Variants in RSRC1 observed in about 807,000 individuals in gnomAD.
RSRC1 encodes serine/Arginine-related protein 53.
A neutral mutation model predicts 49.1 loss-of-function variants in RSRC1; 39 were observed. The ratio of observed to expected loss-of-function variants is 0.79; its 90% CI spans 0.61 to 1.04. The LOEUF (loss-of-function observed/expected upper bound fraction) is 1.04, where lower values mean the gene tolerates loss of function less well. Ranked by LOEUF, RSRC1 falls within the 50% of genes least tolerant of loss-of-function variation. RSRC1 has a pLI of 0.00. For missense variants in RSRC1, 388 were observed against 402.4 expected, an observed-to-expected ratio of 0.96 and a Z score of 0.31; for synonymous variants, 143 against 130.8, an observed-to-expected ratio of 1.09 and a Z score of -0.63.
At chr3:158,431,319 A>G (rs758596060) in intron 6 of RSRC1, among the ~76,000 whole-genome samples, 2 of 151,898 alleles carry the variant, frequency 1.3e-5, no homozygotes, top group Non-Finnish European at 2.9e-5. Context: ...CTTAACAGCT[A>G]ACATAAATTT....
Position 158,539,060 on chromosome 3 carries a change from C to G in RSRC1, c.759+1862C>G, listed in dbSNP as rs1249191537. Among the ~76,000 whole-genome samples, 1 of 151,822 alleles carries G rather than the reference C, an allele frequency of 6.6e-6. No homozygotes were observed. Among genetic ancestry groups the G allele is most frequent in the African/African-American group, 2.4e-5 (1 of 41,354 alleles). Reference sequence around the variant, plus strand: ...TAAATTATCTTGTGGACCCTTTTATCCAGATCATGGAAGGATATGATGGAC... The same window carrying G: ...TAAATTATCTTGTGGACCCTTTTATGCAGATCATGGAAGGATATGATGGAC... On this transcript the variant is annotated intron_variant, in intron 8 of 9. Coordinates refer to ENST00000611884, the MANE Select transcript of RSRC1 (RefSeq NM_001271838.2). This position sits in a 1 kb window ranked among gnomAD's most constrained non-coding sequence, Gnocchi z 4.1.
At chr3:158,514,466 A>C (rs1010744277) in intron 7 of RSRC1, among the ~76,000 whole-genome samples, 1 of 152,182 alleles carries the variant, frequency 6.6e-6, no homozygotes, top group Non-Finnish European at 1.5e-5. Context: ...GTTTGATTGC[A>C]CTGTGGTCTG....
intron 4 of RSRC1, among the ~76,000 whole-genome samples, chr3:158,250,848 A>C (rs1095636): frequency 0.69 from 105,077 of 152,024 alleles, 36,735 homozygotes; most frequent in East Asian, 0.84. Context: ...TGATGTAATA[A>C]CATTTGTCCA....
At chr3:158,540,760 G>C (rs890719670) in intron 8 of RSRC1, among the ~76,000 whole-genome samples, 3 of 152,020 alleles carry the variant, frequency 2.0e-5, no homozygotes, top group African/African-American at 7.3e-5. Flanking sequence ...GACCCATTCA[G>C]CAGCCAAAAC....
chr3:158,512,398 CAG>C (rs1157300223), intron 7 of RSRC1, among the ~76,000 whole-genome samples: 1 of 147,630 alleles, frequency 6.8e-6, no homozygotes, highest in Non-Finnish European at 1.5e-5. Flanking sequence ...TTGTTTTTCT[CAG>C]GTTTGTCAAA....
rs554219832 is a variant in RSRC1, at chr3:158,524,996, T to G, written c.653-12096T>G. The stretch of plus-strand genomic sequence containing the variant: ...AACTATAGAACTTCTAGAAGAAAAT[T>G]TTTGCAGCCTTGAGTATGCAAAGAT... On this transcript the variant is annotated intron_variant, in intron 7 of 9. Coordinates refer to ENST00000611884, the MANE Select transcript of RSRC1 (RefSeq NM_001271838.2). 1.4e-3 allele frequency among the ~76,000 whole-genome samples: 212 copies of G among 152,052 alleles called. 2 individuals carry two copies. The highest frequency in any genetic ancestry group is 4.8e-3 in the African/African-American group (201 of 41,498).
intron 6 of RSRC1, among the ~76,000 whole-genome samples, chr3:158,390,349 G>A (rs6414389): frequency 0.52 from 79,055 of 151,732 alleles, 20,978 homozygotes; most frequent in African/African-American, 0.61. Flanking sequence ...ACCTGGCCAG[G>A]GCCCAATCTG....
At chr3:158,497,523 G>GC (rs956777534) in intron 7 of RSRC1, among the ~76,000 whole-genome samples, 1 of 150,312 alleles carries the variant, frequency 6.7e-6, no homozygotes, top group African/African-American at 2.5e-5. Flanking sequence ...TGCAACCTCT[G>GC]CCCCCCGGGT....
chr3:158,255,324 C>G (rs1262407634), intron 4 of RSRC1, among the ~76,000 whole-genome samples: 1 of 152,180 alleles, frequency 6.6e-6, no homozygotes. Flanking sequence ...AATAGGGAAT[C>G]CTTTCCCCAT....
chr3:158,386,896 A>G (rs1259098049), intron 6 of RSRC1, among the ~76,000 whole-genome samples: 1 of 152,002 alleles, frequency 6.6e-6, no homozygotes, highest in African/African-American at 2.4e-5. Context: ...TTTATTGCCC[A>G]TGGTAGTACA....
intron 4 of RSRC1, among the ~76,000 whole-genome samples, chr3:158,243,420 A>T (rs998827431): frequency 3.3e-5 from 5 of 151,984 alleles, no homozygotes; most frequent in Admixed American, 2.0e-4. Flanking sequence ...TGTTTTTGTA[A>T]CAGTACCATG....
chr3:158,247,539 G>A (rs983439636), intron 4 of RSRC1, among the ~76,000 whole-genome samples: 3 of 152,040 alleles, frequency 2.0e-5, no homozygotes, highest in Admixed American at 6.6e-5. Flanking sequence ...ATCTACCTTC[G>A]ATTTTTGAGG....
At chr3:158,267,610 T>A (rs1725262315) in intron 4 of RSRC1, among the ~76,000 whole-genome samples, 1 of 151,952 alleles carries the variant, frequency 6.6e-6, no homozygotes, top group Admixed American at 6.5e-5. Flanking sequence ...ATTTTATTTT[T>A]CTGTTTTCTT....
At chr3:158,121,661 G>T (rs962987128) in intron 1 of RSRC1, among the ~76,000 whole-genome samples, 6 of 152,130 alleles carry the variant, frequency 3.9e-5, no homozygotes, top group Non-Finnish European at 5.9e-5. Context: ...TGTCATTAGG[G>T]AATGTGAGAA....
At chr3:158,340,440 C>A (rs1307038275) in intron 5 of RSRC1, among the ~76,000 whole-genome samples, 1 of 152,102 alleles carries the variant, frequency 6.6e-6, no homozygotes, top group Non-Finnish European at 1.5e-5. Flanking sequence ...ACTCAGGAGG[C>A]TGAGGCAGGA....
chr3:158,281,762 G>T (rs368048317), intron 4 of RSRC1, among the ~76,000 whole-genome samples: 6 of 152,286 alleles, frequency 3.9e-5, no homozygotes, highest in Admixed American at 1.3e-4. Flanking sequence ...TTTGGATTTG[G>T]TAACATGGGG....
rs574134546 is a variant in RSRC1 at position 158,168,820 on chromosome 3, G to T, written c.321-34252G>T. ...TAACATTGCTTAAAACCATTTTGGGGTACTGTATTGGATTTCTTGTATAGC... is the reference window on the plus strand; with the variant it reads ...TAACATTGCTTAAAACCATTTTGGGTTACTGTATTGGATTTCTTGTATAGC... On this transcript the variant is annotated intron_variant, in intron 3 of 9. Coordinates refer to ENST00000611884, the MANE Select transcript of RSRC1 (RefSeq NM_001271838.2). Among the ~76,000 whole-genome samples the T allele has an allele frequency of 1.1e-4, 17 of 152,150 alleles. No homozygotes were observed. The South Asian group carries it at 3.5e-3, about 32-fold the overall frequency.
intron 7 of RSRC1, among the ~76,000 whole-genome samples, chr3:158,508,862 G>A (rs1740008058): frequency 6.6e-6 from 1 of 152,122 alleles, no homozygotes; most frequent in Non-Finnish European, 1.5e-5. Flanking sequence ...GTCTTGCTCT[G>A]TTGCCCAGGC....
Position 158,256,740 on chromosome 3 carries a change from A to G in RSRC1, c.495-41299A>G, listed in dbSNP as rs138959800. ...TGGTAGGCTATTAATTATTACCTCA[A>G]TTTCAGAGCCTGTTACTTGTCTATT... On this transcript the variant is annotated intron_variant, in intron 4 of 9. Transcript: ENST00000611884. Among the ~76,000 whole-genome samples the G allele has an allele frequency of 7.8e-4, 119 of 152,164 alleles. 2 individuals carry two copies. The highest frequency in any genetic ancestry group is 8.7e-4 in the Non-Finnish European group (59 of 68,002).
Sources: gnomAD v4.1 joint callset for allele counts (sites outside exome capture counted in the v4.1 genomes callset) on GRCh38, gnomAD v4.1.1 for gene constraint, Gnocchi (gnomAD v3.1) non-coding constraint, MANE v1.5 for transcripts, NCBI Gene and HGNC (gene_info 2026-07-23, HGNC 2026-07-21) for gene names.